The following NID2 variants were observed in gnomAD, a reference collection of about 807,000 sequenced individuals.
NID2 encodes nidogen-2.
In NID2, 83 loss-of-function variants were observed where a neutral mutation model predicts 145.4. The ratio of observed to expected loss-of-function variants is 0.57; its 90% CI spans 0.48 to 0.69. The LOEUF (loss-of-function observed/expected upper bound fraction) is 0.69. Among genes scored for constraint, NID2 ranks in the 30% least tolerant of loss-of-function variants. The probability of loss-of-function intolerance (pLI) is 0.00; values close to 1 mark genes in which losing one functional copy is unlikely to be tolerated. For synonymous variants in NID2, 739 were observed against 701.3 expected, an observed-to-expected ratio of 1.05 and a Z score of -0.85; for missense variants, 1,807 against 1,765.7, an observed-to-expected ratio of 1.02 and a Z score of -0.42.
rs183573690 is a variant in NID2, at chr14:52,045,659, G to A, written c.1430-2728C>T. Reference sequence around the variant, plus strand: ...TAAGAAAGGGAAAAAAACATTTAGAGTAAAAGGAAATGAATGTAACTTGGA... The same window carrying A: ...TAAGAAAGGGAAAAAAACATTTAGAATAAAAGGAAATGAATGTAACTTGGA... On this transcript the variant is annotated intron_variant, in intron 5 of 21. Transcript: ENST00000216286. Among the ~76,000 whole-genome samples the A allele has an allele frequency of 1.1e-3, 169 of 152,038 alleles. 1 individual carries two copies. Among genetic ancestry groups the A allele is most frequent in the African/African-American group, 3.7e-3 (152 of 41,474 alleles).
chr14:52,011,870 T>C, intron 16 of NID2, 187 bp from the exon 17 acceptor site: 4 of 646,028 alleles, frequency 6.2e-6, no homozygotes, highest in Non-Finnish European at 1.1e-5. Flanking sequence ...AGTAGCCATG[T>C]GGCTTTGGGC....
chr14:52,063,646 A>C (rs1893091094), intron 2 of NID2, among the ~76,000 whole-genome samples: 1 of 152,226 alleles, frequency 6.6e-6, no homozygotes, highest in African/African-American at 2.4e-5. Flanking sequence ...AATGGAAATG[A>C]AGAATTAGGG....
rs1233672257 is a variant in NID2, at chr14:52,040,661, G to A, written c.2016C>T (p.Tyr672=). 3 of 1,613,894 alleles carry A rather than the reference G, an allele frequency of 1.9e-6. No homozygotes were observed. Among genetic ancestry groups the A allele is most frequent in the Non-Finnish European group, 1.7e-6 (2 of 1,179,796 alleles). The change falls in exon 8 of 22, where the codon TAC becomes TAT. Residue 672 remains tyrosine (Y), a synonymous_variant. Transcript: ENST00000216286. The stretch of plus-strand genomic sequence containing the variant: ...ACTGGTTATACATACTGGAGTCGGA[G>A]TAGTGGTACAGCTCCTTGTAGGGAG... The part of the protein sequence containing the change: ...HISPYKELYH[Y]SDSTVTSTSS...
At chr14:52,067,751 G>T in intron 2 of NID2, 107 bp downstream of exon 2, 2 of 1,323,140 alleles carry the variant, frequency 1.5e-6, no homozygotes, top group Non-Finnish European at 2.2e-6. Flanking sequence ...CAGGTTCAGC[G>T]CAAGAGTAGG....
chr14:52,064,051 T>G (rs1461761568), intron 2 of NID2, among the ~76,000 whole-genome samples: 1 of 152,192 alleles, frequency 6.6e-6, no homozygotes, highest in African/African-American at 2.4e-5. Flanking sequence ...CAGTCTGAAC[T>G]CTCTTGGATG....
chr14:52,012,392 C>T (rs901571646), intron 16 of NID2, among the ~76,000 whole-genome samples: 1 of 152,092 alleles, frequency 6.6e-6, no homozygotes, highest in African/African-American at 2.4e-5. Context: ...TTGCTTGAGC[C>T]CAGGAGTTCG....
chr14:52,047,862 G>A (rs1230599131), intron 5 of NID2, among the ~76,000 whole-genome samples: 2 of 152,132 alleles, frequency 1.3e-5, no homozygotes, highest in Non-Finnish European at 2.9e-5. Flanking sequence ...TCCTTCACAC[G>A]GAGAGCTGCA....
At chr14:52,041,506 G>A (rs1166931376) in intron 7 of NID2, among the ~76,000 whole-genome samples, 1 of 152,192 alleles carries the variant, frequency 6.6e-6, no homozygotes, top group East Asian at 1.9e-4. Context: ...AATCCAAAAA[G>A]TATCTTCTAA....
Position 52,042,302 on chromosome 14 carries a change from C to G in NID2, c.1628G>C (p.Gly543Ala). Reference sequence around the variant, plus strand: ...ATCAGTGAAGTGCACGGGTGTATGGCCCACGTGGAGGTGGCCACTCACTTT... The same window carrying G: ...ATCAGTGAAGTGCACGGGTGTATGGGCCACGTGGAGGTGGCCACTCACTTT... ...NGKVSGHLHV[G>A]HTPVHFTDVD... Residue 543 changes from glycine to alanine, a missense_variant, in exon 7 of 22, where the codon GGC becomes GCC. Coordinates refer to ENST00000216286, the MANE Select transcript of NID2 (RefSeq NM_007361.4). 1 of 1,613,770 alleles carries G rather than the reference C, an allele frequency of 6.2e-7. No homozygotes were observed. The highest frequency in any genetic ancestry group is 8.5e-7 in the Non-Finnish European group (1 of 1,179,726).
chr14:52,045,250 G>A (rs1289833709), intron 5 of NID2, among the ~76,000 whole-genome samples: 1 of 152,148 alleles, frequency 6.6e-6, no homozygotes, highest in Non-Finnish European at 1.5e-5. Flanking sequence ...AAACAGCACA[G>A]GTAAGAAATG....
At chr14:52,028,922 A>C in intron 10 of NID2, 72 bp from the exon 11 acceptor site, 1 of 1,496,184 alleles carries the variant, frequency 6.7e-7, no homozygotes, top group Non-Finnish European at 9.2e-7. Flanking sequence ...TAAAAACTCA[A>C]TGTTTTCTCA....
At chr14:52,047,744 TGAG>T (rs964117381) in intron 5 of NID2, among the ~76,000 whole-genome samples, 3 of 152,050 alleles carry the variant, frequency 2.0e-5, no homozygotes, top group African/African-American at 4.8e-5. Flanking sequence ...ATAGGGAGAC[TGAG>T]GAGGAGCAGG....
At position 52,053,950 on chromosome 14, in the gene NID2, T is replaced by C. The variant is rs1257460657; in HGVS notation, c.1070-12A>G. 6.2e-6 allele frequency: 10 copies of C among 1,612,606 alleles called. No homozygotes were observed. The highest frequency in any genetic ancestry group is 7.6e-6 in the Non-Finnish European group (9 of 1,179,348). On this transcript the variant is annotated splice_polypyrimidine_tract_variant and intron_variant, in intron 4 of 21. Transcript: ENST00000216286. ...CAAGGTGGAAGATTCTGTTTCAGGATAGAATGGCCAATAAGTAGGTGTTGG... is the reference window on the plus strand; with the variant it reads ...CAAGGTGGAAGATTCTGTTTCAGGACAGAATGGCCAATAAGTAGGTGTTGG...
At chr14:52,033,700 GTTTC>G (rs1373008357) in intron 9 of NID2, among the ~76,000 whole-genome samples, 1 of 152,210 alleles carries the variant, frequency 6.6e-6, no homozygotes, top group Admixed American at 6.5e-5. Context: ...ACTTTTGGGT[GTTTC>G]TTTTTTGTTT....
At chr14:52,027,401 C>T in intron 11 of NID2, 57 bp from the exon 12 acceptor site, 1 of 1,424,264 alleles carries the variant, frequency 7.0e-7, no homozygotes, top group Non-Finnish European at 9.3e-7. Context: ...GGATGAGCCT[C>T]ACTCCTCATG....
rs563737892 is a variant in NID2, at chr14:52,038,688, A to G, written c.2257+59T>C. On this transcript the variant is annotated intron_variant, in intron 9 of 21. Transcript: ENST00000216286. ...TAACCCTTAGTAACCTCTGTGAATC[A>G]TTCTAACTCTACTTAAAAGGATGTC... The G allele has an allele frequency of 2.2e-6, 3 of 1,354,334 alleles. No homozygotes were observed. In the East Asian group the frequency reaches 7.0e-5, roughly 32 times the overall value. 83.9% of individuals were successfully genotyped at this position (1,354,334 alleles called of 1,614,324 possible).
In NID2 at chr14:52,042,121, G is replaced by A. The variant is rs372278377; in HGVS notation, c.1809C>T (p.Asn603=). 43 of 1,601,088 alleles carry A rather than the reference G, an allele frequency of 2.7e-5. No individual in the cohort carries two copies. The East Asian group carries it at 2.9e-4, about 11-fold the overall frequency. The part of the protein sequence containing the change: ...LFALEKPGSE[N]GFSLAGAAFT... The stretch of plus-strand genomic sequence containing the variant: ...CCTACTCACCTGCGAGGCTGAAGCC[G>A]TTCTCAGAGCCAGGTTTTTCTAAAG... Residue 603 remains asparagine, a synonymous_variant, in exon 7 of 22, where the codon AAC becomes AAT. Coordinates refer to ENST00000216286, the MANE Select transcript of NID2 (RefSeq NM_007361.4).
intron 5 of NID2, among the ~76,000 whole-genome samples, chr14:52,044,790 A>C (rs891562554): frequency 8.7e-5 from 13 of 148,650 alleles, no homozygotes; most frequent in African/African-American, 3.2e-4. Context: ...ATTTTTTGGT[A>C]GGGTGGGTTG....
chr14:52,035,878 A>ATATATATATATATATATTTATATT (rs58318209), intron 9 of NID2, among the ~76,000 whole-genome samples: 5 of 135,180 alleles, frequency 3.7e-5, no homozygotes, highest in African/African-American at 1.4e-4. Context: ...ATATATATAT[A>ATATATATATATATATATTTATATT]TGTTTTATTT....
Sources: allele counts gnomAD v4.1 joint callset (sites outside exome capture counted in the v4.1 genomes callset), GRCh38; gene constraint gnomAD v4.1.1; transcripts MANE v1.5; gene names NCBI Gene and HGNC (gene_info 2026-07-23, HGNC 2026-07-21).